COL26A1: variants seen among roughly 807,000 people sequenced by gnomAD.
COL26A1 encodes collagen alpha-1(XXVI) chain.
COL26A1 carries 41 observed loss-of-function variants against 59.3 expected under a neutral mutation model. The observed-to-expected ratio is 0.69, with a 90% CI of 0.54 to 0.90. COL26A1 has a LOEUF of 0.90. Among genes scored for constraint, COL26A1 ranks in the 40% least tolerant of loss-of-function variants. The pLI is 0.00. For missense variants in COL26A1, 612 were observed against 602.3 expected (o/e 1.02, Z -0.17); for synonymous variants, 266 against 256.0 (o/e 1.04, Z -0.37).
chr7:101,555,805 C>T lies in COL26A1; in HGVS notation c.1099C>T (p.Leu367=). 6.2e-7 allele frequency: 1 copy of T among 1,611,082 alleles called. No individual in the cohort carries two copies. Residue 367 remains leucine, a synonymous_variant, in exon 12 of 13, where the codon CTG becomes TTG. Transcript: ENST00000313669. ...ATAEGEGVQQ[L]REALKILAER... is the part of the protein sequence containing the mutation. ...CCGCCAGGGCGAGGGGGTGCAGCAGCTGAGAGAGGCCCTGAAGATCCTGGC... is the reference window on the plus strand; with the variant it reads ...CCGCCAGGGCGAGGGGGTGCAGCAGTTGAGAGAGGCCCTGAAGATCCTGGC...
At chr7:101,454,852 A>T (rs1034497731) in intron 3 of COL26A1, among the ~76,000 whole-genome samples, 1 of 152,122 alleles carries the variant, frequency 6.6e-6, no homozygotes, top group African/African-American at 2.4e-5. Context: ...TTATGTATTA[A>T]TGGGTTGATG....
intron 1 of COL26A1, among the ~76,000 whole-genome samples, chr7:101,398,712 G>A (rs992982993): frequency 6.6e-6 from 1 of 152,106 alleles, no homozygotes; most frequent in African/African-American, 2.4e-5. Context: ...AAGCAATTCA[G>A]TCCCCTCCCC....
intron 1 of COL26A1, among the ~76,000 whole-genome samples, chr7:101,389,702 C>T (rs770844008): frequency 6.6e-6 from 1 of 152,030 alleles, no homozygotes; most frequent in Non-Finnish European, 1.5e-5. Context: ...TACAGGCATG[C>T]GCCACCATGC....
At chr7:101,449,261 G>T (rs886576290) in intron 3 of COL26A1, among the ~76,000 whole-genome samples, 1 of 152,204 alleles carries the variant, frequency 6.6e-6, no homozygotes, top group African/African-American at 2.4e-5. Context: ...CAGCTCACAG[G>T]TCCCTCATGG....
At chr7:101,466,907 C>A (rs1040854419) in intron 3 of COL26A1, among the ~76,000 whole-genome samples, 1 of 150,948 alleles carries the variant, frequency 6.6e-6, no homozygotes, top group Non-Finnish European at 1.5e-5. Context: ...CCCTGAGTAC[C>A]AGAAAGCACC....
intron 1 of COL26A1, among the ~76,000 whole-genome samples, chr7:101,402,660 TTCCC>T (rs1197926391): frequency 5.4e-5 from 6 of 111,166 alleles, no homozygotes; most frequent in African/African-American, 7.3e-5. Flanking sequence ...CCTTCCTTCC[TTCCC>T]TCCCTCCCTC....
intron 1 of COL26A1, among the ~76,000 whole-genome samples, chr7:101,363,988 C>T (rs1265672080): frequency 6.6e-6 from 1 of 152,176 alleles, no homozygotes; most frequent in Admixed American, 6.5e-5. Context: ...TGCGACTCCC[C>T]AGCCACCCCG....
At chr7:101,467,214 G>A (rs1793783937) in intron 3 of COL26A1, among the ~76,000 whole-genome samples, 1 of 151,948 alleles carries the variant, frequency 6.6e-6, no homozygotes, top group Non-Finnish European at 1.5e-5. Flanking sequence ...TCACGCCAGG[G>A]AAATCAAAGA....
intron 3 of COL26A1, among the ~76,000 whole-genome samples, chr7:101,502,316 T>C (rs1372610194): frequency 3.3e-5 from 5 of 152,176 alleles, no homozygotes; most frequent in Non-Finnish European, 7.3e-5. Context: ...CACTCCAGCC[T>C]GGGCGACAGA....
intron 3 of COL26A1, among the ~76,000 whole-genome samples, chr7:101,463,695 TTTTC>T (rs1455270995): frequency 2.7e-4 from 22 of 82,720 alleles, no homozygotes; most frequent in East Asian, 1.7e-3. Context: ...CTTTCTTTCT[TTTTC>T]TCTCTCTTTC....
intron 3 of COL26A1, among the ~76,000 whole-genome samples, chr7:101,501,342 G>T (rs1361882277): frequency 6.6e-6 from 1 of 152,002 alleles, no homozygotes; most frequent in Non-Finnish European, 1.5e-5. Context: ...TCCCCATGTC[G>T]GCCCCAGGCC....
intron 4 of COL26A1, among the ~76,000 whole-genome samples, chr7:101,534,035 AGGCTCT>A (rs1361237951): frequency 6.6e-6 from 1 of 152,226 alleles, no homozygotes; most frequent in Non-Finnish European, 1.5e-5. Context: ...CTTGGTAAGC[AGGCTCT>A]GGTGTTTAGC....
intron 3 of COL26A1, among the ~76,000 whole-genome samples, chr7:101,519,733 C>T (rs970752231): frequency 5.9e-5 from 9 of 152,208 alleles, no homozygotes; most frequent in Admixed American, 2.0e-4. Context: ...TTTTAAAGCC[C>T]GTTCAACCTC....
chr7:101,517,798 A>ATTTTTT lies in COL26A1; in HGVS notation c.386-15256_386-15251dup, dbSNP rs869245512. On this transcript the variant is annotated intron_variant, in intron 3 of 12. Coordinates refer to ENST00000313669, the MANE Select transcript of COL26A1 (RefSeq NM_001278563.3). ...TCAGAGAAGCTTCCCTTCTCCCCGC[A>ATTTTTT]TTTTTTTTTTTTTTTTTTTTTTTTT... Among the ~76,000 whole-genome samples the ATTTTTT allele has an allele frequency of 7.2e-4, 55 of 76,910 alleles. 2 individuals are homozygous for ATTTTTT. Among genetic ancestry groups the ATTTTTT allele is most frequent in the African/African-American group, 1.2e-3 (25 of 21,288 alleles). 50.5% of individuals were successfully genotyped at this position (76,910 alleles called of 152,430 possible).
chr7:101,393,654 C>T (rs896779632), intron 1 of COL26A1, among the ~76,000 whole-genome samples: 2 of 152,184 alleles, frequency 1.3e-5, no homozygotes, highest in African/African-American at 2.4e-5. Context: ...ATCATGTTGG[C>T]TGGGCTGGTC....
chr7:101,443,872 CTTT>C (rs11352431), intron 2 of COL26A1, among the ~76,000 whole-genome samples: 4 of 124,730 alleles, frequency 3.2e-5, no homozygotes, highest in Admixed American at 1.7e-4. Context: ...TTTTTCTTTT[CTTT>C]TTTTTTTTTT....
At chr7:101,507,318 T>C (rs1794832951) in intron 3 of COL26A1, among the ~76,000 whole-genome samples, 1 of 152,200 alleles carries the variant, frequency 6.6e-6, no homozygotes, top group South Asian at 2.1e-4. Context: ...ACTCTCTCCT[T>C]GTGACCCTGT....
rs1372565067 is a variant in COL26A1 at position 101,495,167 on chromosome 7, G to T, written c.386-37915G>T. Among the ~76,000 whole-genome samples the T allele has an allele frequency of 5.3e-5, 8 of 152,210 alleles. No individual in the cohort carries two copies. In the East Asian group the frequency reaches 1.5e-3, roughly 29 times the overall value. ...GTGCCCCCCTCCCACCTCAGGTAGAGGAGCCATCAGTCCCAGCTGGAACCC... is the reference window on the plus strand; with the variant it reads ...GTGCCCCCCTCCCACCTCAGGTAGATGAGCCATCAGTCCCAGCTGGAACCC... On this transcript the variant is annotated intron_variant, in intron 3 of 12. Coordinates refer to ENST00000313669, the MANE Select transcript of COL26A1 (RefSeq NM_001278563.3).
Position 101,557,932 on chromosome 7 carries a change from G to A in COL26A1, c.*402G>A, listed in dbSNP as rs534749548. 5.3e-4 allele frequency: 83 copies of A among 158,068 alleles called. No homozygotes were observed. Among genetic ancestry groups the A allele is most frequent in the Non-Finnish European group, 9.8e-4 (70 of 71,696 alleles). The allele number at this position is 158,068 out of a possible 1,614,324, so 9.8% of individuals were successfully genotyped here. ...ATTATCCCCACTTCACAAGGGGACC[G>A]AGGCTCAGACGGTAGAAATAACCCT... On this transcript the variant is annotated 3_prime_UTR_variant, in exon 13 of 13. Coordinates refer to ENST00000313669, the MANE Select transcript of COL26A1 (RefSeq NM_001278563.3).
Sources: allele counts gnomAD v4.1 joint callset (sites outside exome capture counted in the v4.1 genomes callset), GRCh38; gene constraint gnomAD v4.1.1; transcripts MANE v1.5; gene names NCBI Gene and HGNC (gene_info 2026-07-23, HGNC 2026-07-21).